The following USH2A variants were observed in gnomAD, a reference collection of about 807,000 sequenced individuals.
USH2A encodes Usher syndrome 2A (autosomal recessive, mild).
Under a neutral mutation model 538.9 loss-of-function variants are expected in USH2A, and 443 were observed. The observed-to-expected ratio is 0.82, with a 90% confidence interval of 0.76 to 0.89. The LOEUF (loss-of-function observed/expected upper bound fraction) is 0.89. Ranked by LOEUF, USH2A falls within the 40% of genes least tolerant of loss-of-function variation. The pLI is 0.00. For synonymous variants in USH2A, 2,413 were observed against 2,273.5 expected, an observed-to-expected ratio of 1.06 and a Z score of -1.75; for missense variants, 6,633 against 6,324.8, an observed-to-expected ratio of 1.05 and a Z score of -1.65.
At chr1:215,959,415 C>T (rs1046462238) in intron 37 of USH2A, among the ~76,000 whole-genome samples, 8 of 152,012 alleles carry the variant, frequency 5.3e-5, no homozygotes, top group South Asian at 2.1e-4. Flanking sequence ...CTTTCTTTCC[C>T]GGTCCTTACC....
At chr1:216,135,729 T>G (rs1263935282) in intron 21 of USH2A, among the ~76,000 whole-genome samples, 1 of 152,142 alleles carries the variant, frequency 6.6e-6, no homozygotes, top group African/African-American at 2.4e-5. Flanking sequence ...ATGTATTCAT[T>G]GCTCTCTCAT....
At chr1:216,414,418 T>C (rs1401783644) in intron 3 of USH2A, among the ~76,000 whole-genome samples, 2 of 152,116 alleles carry the variant, frequency 1.3e-5, no homozygotes, top group African/African-American at 2.4e-5. Flanking sequence ...ATTGAGCATA[T>C]TGTCTATTTG....
intron 67 of USH2A, 66 bp from the exon 68 acceptor site, chr1:215,640,800 T>C (rs1392683456): frequency 5.6e-6 from 6 of 1,075,918 alleles, no homozygotes; most frequent in South Asian, 1.6e-5. Flanking sequence ...GTGTGCACTT[T>C]AAAAAAAAAA....
In USH2A at chr1:216,198,724, C is replaced by T. The variant is rs546532559; in HGVS notation, c.3812-140G>A. 9.3e-5 allele frequency: 77 copies of T among 826,528 alleles called. No individual in the cohort carries two copies. The South Asian group carries it at 1.2e-3, about 13-fold the overall frequency. The allele number at this position is 826,528 out of a possible 1,614,324, so 51.2% of individuals were successfully genotyped here. ...GATTACTGTCAATTTCTTTAGCATT[C>T]AAAATGTAGTGATTTAGTAGTTTAG... On this transcript the variant is annotated intron_variant, in intron 17 of 71. Transcript: ENST00000307340.
chr1:216,091,929 T>G (rs1383343938), intron 22 of USH2A, among the ~76,000 whole-genome samples: 1 of 152,158 alleles, frequency 6.6e-6, no homozygotes, highest in African/African-American at 2.4e-5. Flanking sequence ...TGGTGTCTCA[T>G]GTCTGTAATC....
intron 47 of USH2A, among the ~76,000 whole-genome samples, chr1:215,820,245 AT>A (rs1351097079): frequency 1.3e-5 from 2 of 149,818 alleles, no homozygotes; most frequent in East Asian, 1.9e-4. Context: ...GTCTACACAC[AT>A]TTTTTTCTCT....
At chr1:216,061,926 C>T (rs779609826) in intron 30 of USH2A, among the ~76,000 whole-genome samples, 1 of 152,132 alleles carries the variant, frequency 6.6e-6, no homozygotes, top group Non-Finnish European at 1.5e-5. Flanking sequence ...AAACTTACCC[C>T]ACTAACCCTG....
chr1:215,692,632 G>A (rs1658655095), intron 61 of USH2A, among the ~76,000 whole-genome samples: 2 of 152,076 alleles, frequency 1.3e-5, no homozygotes, highest in South Asian at 2.1e-4. Context: ...ATCATTGCAT[G>A]CTTAGCTCTT....
At chr1:216,386,659 T>C (rs2039013791) in intron 3 of USH2A, among the ~76,000 whole-genome samples, 1 of 150,408 alleles carries the variant, frequency 6.6e-6, no homozygotes, top group Non-Finnish European at 1.5e-5. Context: ...ATCGAGACCA[T>C]CCTGGCTAAC....
Position 216,050,610 on chromosome 1 carries a change from T to TC in USH2A, c.6050-1964_6050-1963insG, listed in dbSNP as rs1316864804. The stretch of plus-strand genomic sequence containing the variant: ...TTTCTTTCTTTCTTTCTTTCTTTTT[T>TC]TTTTTTTTTTTTGAGACAGAGTCTC... On this transcript the variant is annotated intron_variant, in intron 30 of 71. Transcript: ENST00000307340. Among the ~76,000 whole-genome samples, 410 of 91,326 alleles carry TC rather than the reference T, an allele frequency of 4.5e-3. 10 individuals carry two copies. Among genetic ancestry groups the TC allele is most frequent in the Middle Eastern group, 6.3e-3 (1 of 160 alleles). 59.9% of individuals were successfully genotyped at this position (91,326 alleles called of 152,430 possible). A position where few individuals can be genotyped will look rare whatever the true frequency, so the allele number is the denominator to read the frequency against.
At chr1:215,829,901 A>T (rs565965312) in intron 47 of USH2A, among the ~76,000 whole-genome samples, 4 of 152,204 alleles carry the variant, frequency 2.6e-5, no homozygotes, top group Non-Finnish European at 4.4e-5. Flanking sequence ...GCATTGGAAG[A>T]AAGAAAACTG....
intron 71 of USH2A, among the ~76,000 whole-genome samples, chr1:215,627,921 A>T (rs1656119046): frequency 6.6e-6 from 1 of 152,166 alleles, no homozygotes; most frequent in Non-Finnish European, 1.5e-5. Flanking sequence ...GTTGGCAAAA[A>T]TTCTAGGATT....
chr1:215,778,852 T>A (rs952784389), intron 55 of USH2A, among the ~76,000 whole-genome samples: 1 of 152,264 alleles, frequency 6.6e-6, no homozygotes, highest in South Asian at 2.1e-4. Flanking sequence ...AAAGTATTCT[T>A]TTCTGTAAAA....
intron 38 of USH2A, among the ~76,000 whole-genome samples, chr1:215,918,439 A>G (rs1157133722): frequency 1.3e-5 from 2 of 152,022 alleles, no homozygotes; most frequent in East Asian, 1.9e-4. Context: ...CTGCCATGTG[A>G]AGTTAGAGTA....
chr1:215,768,013 T>G (rs1348906709), intron 55 of USH2A, among the ~76,000 whole-genome samples: 1 of 152,220 alleles, frequency 6.6e-6, no homozygotes, highest in East Asian at 1.9e-4. Flanking sequence ...TTTTCACGTA[T>G]TTTGAGCTAC....
intron 37 of USH2A, among the ~76,000 whole-genome samples, chr1:215,954,849 G>T (rs921264509): frequency 6.6e-6 from 1 of 152,066 alleles, no homozygotes; most frequent in Non-Finnish European, 1.5e-5. Flanking sequence ...TCTCATCTGT[G>T]CCATTCTTTT....
At chr1:215,924,935 A>G (rs1041369581) in intron 38 of USH2A, among the ~76,000 whole-genome samples, 1 of 152,060 alleles carries the variant, frequency 6.6e-6, no homozygotes, top group African/African-American at 2.4e-5. Context: ...AGTCCATAGT[A>G]AGCACACTTC....
At chr1:215,981,401 T>C (rs998568717) in intron 35 of USH2A, among the ~76,000 whole-genome samples, 1 of 152,200 alleles carries the variant, frequency 6.6e-6, no homozygotes, top group African/African-American at 2.4e-5. Flanking sequence ...TAAATGTTAA[T>C]TTTAGTAACT....
intron 64 of USH2A, among the ~76,000 whole-genome samples, chr1:215,653,126 C>T (rs1033727576): frequency 2.0e-5 from 3 of 152,148 alleles, no homozygotes; most frequent in Non-Finnish European, 4.4e-5. Flanking sequence ...ATCATAAATA[C>T]TATTAAGGCT....
Sources: allele counts gnomAD v4.1 joint callset (sites outside exome capture counted in the v4.1 genomes callset), GRCh38; gene constraint gnomAD v4.1.1; transcripts MANE v1.5; gene names NCBI Gene and HGNC (gene_info 2026-07-23, HGNC 2026-07-21).